ADAM18: variants seen among roughly 807,000 people sequenced by gnomAD.
ADAM18 encodes disintegrin and metalloproteinase domain-containing protein 18.
In ADAM18, 117 loss-of-function variants were observed where a neutral mutation model predicts 94.4. That is an observed-to-expected ratio of 1.24 (90% CI 1.07 to 1.45). The LOEUF (loss-of-function observed/expected upper bound fraction) is 1.45, where lower values mean the gene tolerates loss of function less well. Among genes scored for constraint, ADAM18 ranks in the 40% most tolerant of loss-of-function variants. ADAM18 has a pLI of 0.00. For synonymous variants in ADAM18, 327 were observed against 291.6 expected (o/e 1.12, Z -1.24); for missense variants, 936 against 880.0 (o/e 1.06, Z -0.81).
chr8:39,702,957 G>C (rs1021589897), intron 17 of ADAM18, among the ~76,000 whole-genome samples: 6 of 152,084 alleles, frequency 3.9e-5, no homozygotes, highest in Admixed American at 6.5e-5. Flanking sequence ...GATTGCCCTG[G>C]CCATTTGGAC....
chr8:39,608,399 T>G (rs1819157280), intron 3 of ADAM18, among the ~76,000 whole-genome samples: 1 of 151,898 alleles, frequency 6.6e-6, no homozygotes, highest in South Asian at 2.1e-4. Context: ...GCGTCTCATC[T>G]CTGTGACACT....
chr8:39,658,317 GTTAAAGACC>G (rs1045280023), intron 12 of ADAM18, among the ~76,000 whole-genome samples: 81 of 152,288 alleles, frequency 5.3e-4, no homozygotes, highest in African/African-American at 1.9e-3. Context: ...GTGTGATTAA[GTTAAAGACC>G]TTGTGATGGA....
intron 14 of ADAM18, among the ~76,000 whole-genome samples, chr8:39,672,354 A>G (rs1186241125): frequency 6.6e-6 from 1 of 152,180 alleles, no homozygotes; most frequent in Non-Finnish European, 1.5e-5. Context: ...AAGATCTGGA[A>G]AAATCAAGAC....
intron 12 of ADAM18, among the ~76,000 whole-genome samples, chr8:39,659,541 T>C (rs1820775927): frequency 6.6e-6 from 1 of 152,114 alleles, no homozygotes; most frequent in Non-Finnish European, 1.5e-5. Flanking sequence ...GAGATGTCTC[T>C]GAAATATGTA....
rs187065074 is a variant in ADAM18 at position 39,600,791 on chromosome 8, G to A, written c.133-5516G>A. On this transcript the variant is annotated intron_variant, in intron 2 of 19. Transcript: ENST00000265707. ...AACAGGATTTCACAATCAATTGGAA[G>A]GGGTATAAACATGACTGGGGTTTTG... Among the ~76,000 whole-genome samples, 551 of 152,290 alleles carry A rather than the reference G, an allele frequency of 3.6e-3. 2 individuals are homozygous for A. Among genetic ancestry groups the A allele is most frequent in the Non-Finnish European group, 5.0e-3 (338 of 68,022 alleles).
At chr8:39,616,759 C>T (rs1347207931) in intron 6 of ADAM18, among the ~76,000 whole-genome samples, 3 of 152,110 alleles carry the variant, frequency 2.0e-5, no homozygotes, top group South Asian at 2.1e-4. Flanking sequence ...CAATAACAAA[C>T]AACTGGGAAA....
chr8:39,647,790 A>T (rs893127062), intron 11 of ADAM18, among the ~76,000 whole-genome samples: 2 of 152,220 alleles, frequency 1.3e-5, no homozygotes, highest in Admixed American at 6.5e-5. Flanking sequence ...CGTCCTGCAC[A>T]GCCCTAGATT....
At chr8:39,585,162 C>A in intron 1 of ADAM18, 114 bp from the exon 2 acceptor site, 1 of 703,904 alleles carries the variant, frequency 1.4e-6, no homozygotes, top group South Asian at 1.8e-5. Context: ...CATGAGAGAA[C>A]TTCTACTTAA....
At chr8:39,715,371 A>G (rs1329221260) in intron 18 of ADAM18, among the ~76,000 whole-genome samples, 1 of 152,030 alleles carries the variant, frequency 6.6e-6, no homozygotes, top group Non-Finnish European at 1.5e-5. Flanking sequence ...TATAATATCT[A>G]AAGTCAGAAA....
At chr8:39,640,024 A>G (rs1820192569) in intron 10 of ADAM18, among the ~76,000 whole-genome samples, 1 of 152,064 alleles carries the variant, frequency 6.6e-6, no homozygotes, top group Admixed American at 6.6e-5. Context: ...TAATTTTTTT[A>G]ATTCCAACTT....
chr8:39,683,568 A>C (rs1821527265), intron 16 of ADAM18, among the ~76,000 whole-genome samples: 1 of 152,328 alleles, frequency 6.6e-6, no homozygotes, highest in African/African-American at 2.4e-5. Flanking sequence ...GTTTCTTCAT[A>C]TCCTCAACAG....
intron 17 of ADAM18, among the ~76,000 whole-genome samples, chr8:39,700,609 CATT>C (rs2129581117): frequency 6.6e-6 from 1 of 151,960 alleles, no homozygotes; most frequent in Non-Finnish European, 1.5e-5. Flanking sequence ...CTAATTGGGA[CATT>C]ATTAACATTA....
chr8:39,601,569 T>G (rs1357574383), intron 2 of ADAM18, among the ~76,000 whole-genome samples: 1 of 152,230 alleles, frequency 6.6e-6, no homozygotes, highest in African/African-American at 2.4e-5. Flanking sequence ...GGATGATATA[T>G]TTCTCTTTGT....
chr8:39,658,482 A>G (rs1056315571), intron 12 of ADAM18, among the ~76,000 whole-genome samples: 1 of 152,144 alleles, frequency 6.6e-6, no homozygotes, highest in Non-Finnish European at 1.5e-5. Flanking sequence ...AAAAAACATG[A>G]GCCGAGGAAT....
At chr8:39,615,111 C>T (rs1218901798) in intron 6 of ADAM18, among the ~76,000 whole-genome samples, 2 of 151,984 alleles carry the variant, frequency 1.3e-5, no homozygotes, top group Non-Finnish European at 2.9e-5. Context: ...ATGGACCTAA[C>T]ATACATCTAC....
At chr8:39,718,645 G>A (rs1010875540) in intron 18 of ADAM18, among the ~76,000 whole-genome samples, 1 of 150,752 alleles carries the variant, frequency 6.6e-6, no homozygotes, top group Admixed American at 6.7e-5. Flanking sequence ...CAACATTGTA[G>A]CTATAGTCAA....
At chr8:39,627,831 A>C (rs551629658) in intron 6 of ADAM18, among the ~76,000 whole-genome samples, 1 of 152,100 alleles carries the variant, frequency 6.6e-6, no homozygotes, top group African/African-American at 2.4e-5. Context: ...TGCTTTCAAG[A>C]GGTCCTATTC....
chr8:39,586,789 T>TATCTATCTATC (rs1184356039), intron 2 of ADAM18, among the ~76,000 whole-genome samples: 38 of 136,300 alleles, frequency 2.8e-4, no homozygotes, highest in African/African-American at 9.4e-4. Context: ...TCTATCTATC[T>TATCTATCTATC]ATCTATCTAT....
chr8:39,693,163 A>G (rs1019628721), intron 17 of ADAM18, among the ~76,000 whole-genome samples: 4 of 151,552 alleles, frequency 2.6e-5, no homozygotes, highest in Non-Finnish European at 5.9e-5. Flanking sequence ...TGTTACTTTT[A>G]TATTGCAGTT....
Sources: allele counts gnomAD v4.1 joint callset (sites outside exome capture counted in the v4.1 genomes callset), GRCh38; gene constraint gnomAD v4.1.1; transcripts MANE v1.5; gene names NCBI Gene and HGNC (gene_info 2026-07-23, HGNC 2026-07-21).